Variants in NCKAP5 observed in about 807,000 individuals in gnomAD.
NCKAP5 encodes the protein NCK associated protein 5, also known as nck-associated protein 5.
Under a neutral mutation model 167.0 loss-of-function variants are expected in NCKAP5, and 92 were observed. The ratio of observed to expected loss-of-function variants is 0.55; its 90% CI spans 0.47 to 0.66. The LOEUF (loss-of-function observed/expected upper bound fraction) is 0.66. Among genes scored for constraint, NCKAP5 ranks in the 30% least tolerant of loss-of-function variants. NCKAP5 has a pLI of 0.00. For missense variants in NCKAP5, 2,378 were observed against 2,315.0 expected, an observed-to-expected ratio of 1.03 and a Z score of -0.56; for synonymous variants, 891 against 877.4, an observed-to-expected ratio of 1.02 and a Z score of -0.27.
chr2:133,104,600 C>T (rs2081622276), intron 6 of NCKAP5, among the ~76,000 whole-genome samples: 1 of 152,220 alleles, frequency 6.6e-6, no homozygotes, highest in Non-Finnish European at 1.5e-5. Flanking sequence ...CCTTAATTCC[C>T]TTCAGGGCAT....
At chr2:133,307,895 C>T (rs975675771) in intron 3 of NCKAP5, among the ~76,000 whole-genome samples, 2 of 151,706 alleles carry the variant, frequency 1.3e-5, no homozygotes, top group South Asian at 2.1e-4. Flanking sequence ...GGAGGTTCAT[C>T]CCCCCAAAAA....
At position 132,696,548 on chromosome 2, in the gene NCKAP5, T is replaced by A. The variant is rs139046405; in HGVS notation, c.5714-23243A>T. On this transcript the variant is annotated intron_variant, in intron 19 of 19. Transcript: ENST00000409261. ...GATTCTCTTATGCCCATTATAATGGTGAGAGGTTCAGCCAAGTTAAGAAGT... is the reference window on the plus strand; with the variant it reads ...GATTCTCTTATGCCCATTATAATGGAGAGAGGTTCAGCCAAGTTAAGAAGT... 2.6e-4 allele frequency among the ~76,000 whole-genome samples: 40 copies of A among 152,242 alleles called. No individual in the cohort carries two copies. The East Asian group carries it at 7.3e-3, about 28-fold the overall frequency.
the NCKAP5 span, among the ~76,000 whole-genome samples, chr2:133,582,034 T>C: frequency 1.3e-5 from 2 of 152,224 alleles, no homozygotes; most frequent in African/African-American, 2.4e-5. Context: ...AAAATACCTC[T>C]TTGTGGTGAA....
chr2:133,232,960 A>C (rs924162338), intron 4 of NCKAP5, among the ~76,000 whole-genome samples: 9 of 152,228 alleles, frequency 5.9e-5, no homozygotes, highest in Admixed American at 2.0e-4. Flanking sequence ...TAACAATTAC[A>C]AGGCAATCAG....
intron 11 of NCKAP5, among the ~76,000 whole-genome samples, chr2:132,858,846 C>T (rs540321373): frequency 5.3e-5 from 8 of 152,242 alleles, no homozygotes; most frequent in African/African-American, 1.9e-4. Context: ...CTTATATACC[C>T]ATAGCACGTG....
the NCKAP5 span, among the ~76,000 whole-genome samples, chr2:133,610,947 G>C: frequency 2.7e-4 from 41 of 152,118 alleles, no homozygotes; most frequent in Non-Finnish European, 3.5e-4. Flanking sequence ...GGCCAGAGGA[G>C]ATCATGTGAT....
intron 3 of NCKAP5, among the ~76,000 whole-genome samples, chr2:133,444,675 T>G (rs1252072763): frequency 6.6e-6 from 1 of 152,074 alleles, no homozygotes; most frequent in Non-Finnish European, 1.5e-5. Context: ...TTTGCCAGAG[T>G]TCTGTGTTCT....
At chr2:132,762,801 C>T (rs574025569) in intron 16 of NCKAP5, among the ~76,000 whole-genome samples, 1 of 152,334 alleles carries the variant, frequency 6.6e-6, no homozygotes, top group South Asian at 2.1e-4. Flanking sequence ...CTGAGAAACA[C>T]ACGGCTGCTA....
intron 3 of NCKAP5, among the ~76,000 whole-genome samples, chr2:133,424,803 T>C (rs1011155504): frequency 6.6e-6 from 1 of 152,156 alleles, no homozygotes; most frequent in African/African-American, 2.4e-5. Flanking sequence ...CTGAGGCACG[T>C]GACAGTTTGA....
At chr2:132,854,784 T>C (rs1434299563) in intron 11 of NCKAP5, among the ~76,000 whole-genome samples, 1 of 152,110 alleles carries the variant, frequency 6.6e-6, no homozygotes, top group Non-Finnish European at 1.5e-5. Flanking sequence ...CTTTGGGTGC[T>C]CCCAATTTGG....
chr2:132,692,311 TTTG>T (rs1358836824), intron 19 of NCKAP5, among the ~76,000 whole-genome samples: 16 of 151,892 alleles, frequency 1.1e-4, no homozygotes, highest in African/African-American at 2.4e-4. Flanking sequence ...CCCAGTTAAT[TTTG>T]TTGTTGTTGT....
intron 6 of NCKAP5, among the ~76,000 whole-genome samples, chr2:133,068,427 G>T (rs1312384341): frequency 6.6e-6 from 1 of 152,170 alleles, no homozygotes; most frequent in Non-Finnish European, 1.5e-5. Context: ...TAGTAAGATG[G>T]ACATGGCCTG....
At chr2:133,643,390 G>A in the NCKAP5 span, among the ~76,000 whole-genome samples, 8 of 152,084 alleles carry the variant, frequency 5.3e-5, no homozygotes, top group Non-Finnish European at 1.2e-4. Context: ...TCTCTGACTA[G>A]CAAACTTTCT....
chr2:133,103,823 T>TG (rs2081596010), intron 6 of NCKAP5, among the ~76,000 whole-genome samples: 2 of 152,144 alleles, frequency 1.3e-5, no homozygotes, highest in Non-Finnish European at 2.9e-5. Flanking sequence ...TTTTGGGTGG[T>TG]GATGCTGGTT....
rs144451089 is a variant in NCKAP5 at position 133,324,131 on chromosome 2, G to C, written c.70-21021C>G. 3.9e-5 allele frequency among the ~76,000 whole-genome samples: 6 copies of C among 152,306 alleles called. No individual in the cohort carries two copies. In the East Asian group the frequency reaches 1.2e-3, roughly 29 times the overall value. On this transcript the variant is annotated intron_variant, in intron 3 of 19. Transcript: ENST00000409261. ...AAGTCTGAGATGAAAACTTAAAGAA[G>C]GCTAGACTGCATGAAATTTACCTCA...
At chr2:132,805,041 TA>T (rs982217893) in intron 11 of NCKAP5, among the ~76,000 whole-genome samples, 2 of 152,136 alleles carry the variant, frequency 1.3e-5, no homozygotes, top group Non-Finnish European at 1.5e-5. Context: ...TCAAATTAAT[TA>T]TGTTGCCTTG....
intron 5 of NCKAP5, among the ~76,000 whole-genome samples, chr2:133,212,534 AT>A (rs1293321798): frequency 1.3e-5 from 2 of 151,934 alleles, no homozygotes; most frequent in Non-Finnish European, 1.5e-5. Flanking sequence ...CGCCCAGCTA[AT>A]TTTTGTATTT....
chr2:132,686,342 A>G lies in NCKAP5; in HGVS notation c.5714-13037T>C, dbSNP rs369655341. On this transcript the variant is annotated intron_variant, in intron 19 of 19. Transcript: ENST00000409261. Reference sequence around the variant, plus strand: ...TTCTCCCCACCTTTTAGGATGGCCAACACCCTCTTATCACTTGAGACTCAG... The same window carrying G: ...TTCTCCCCACCTTTTAGGATGGCCAGCACCCTCTTATCACTTGAGACTCAG... Among the ~76,000 whole-genome samples, 11 of 152,152 alleles carry G rather than the reference A, an allele frequency of 7.2e-5. No individual in the cohort carries two copies. The East Asian group carries it at 1.4e-3, about 19-fold the overall frequency.
At chr2:133,665,243 G>A in the NCKAP5 span, among the ~76,000 whole-genome samples, 5 of 152,238 alleles carry the variant, frequency 3.3e-5, no homozygotes, top group South Asian at 2.1e-4. Flanking sequence ...CTTTCAGGCT[G>A]TCTCAGCTTT....
Sources: gnomAD v4.1 joint callset for allele counts (sites outside exome capture counted in the v4.1 genomes callset) on GRCh38, gnomAD v4.1.1 for gene constraint, MANE v1.5 for transcripts, NCBI Gene and HGNC (gene_info 2026-07-23, HGNC 2026-07-21) for gene names.